RB1CC1: variants seen among roughly 807,000 people sequenced by gnomAD.
RB1CC1 encodes the protein RB1 inducible coiled-coil 1, also known as RB1-inducible coiled-coil protein 1.
RB1CC1 carries 46 observed loss-of-function variants against 177.5 expected under a neutral mutation model. The ratio of observed to expected loss-of-function variants is 0.26; its 90% CI spans 0.20 to 0.33. The LOEUF is 0.33. Among genes scored for constraint, RB1CC1 ranks in the 10% least tolerant of loss-of-function variants. The pLI is 1.00. For synonymous variants in RB1CC1, 666 were observed against 613.6 expected (o/e 1.09, Z -1.26); for missense variants, 1,703 against 1,816.3 (o/e 0.94, Z 1.13).
chr8:52,692,350 A>T (rs931755169), intron 1 of RB1CC1, among the ~76,000 whole-genome samples: 8 of 152,198 alleles, frequency 5.3e-5, no homozygotes, highest in African/African-American at 1.7e-4. Flanking sequence ...TCTTTTTTTT[A>T]AAGTAAAAAC....
In RB1CC1 at chr8:52,625,772, C is replaced by T. The variant is rs549427690; in HGVS notation, c.4637-985G>A. 3.8e-4 allele frequency among the ~76,000 whole-genome samples: 58 copies of T among 152,072 alleles called. 1 individual carries two copies. The highest frequency in any genetic ancestry group is 3.3e-3 in the South Asian group (16 of 4,816). On this transcript the variant is annotated intron_variant, in intron 22 of 23. Coordinates refer to ENST00000025008, the MANE Select transcript of RB1CC1 (RefSeq NM_014781.5). ...AAAAACAGAATGGTTGTGTGGATAC[C>T]GAAAGTAGGGTTTCTATGAATGTGT...
intron 16 of RB1CC1, chr8:52,643,114 CACTT>C (rs1430220808): frequency 2.1e-5 from 4 of 193,964 alleles, no homozygotes; most frequent in African/African-American, 7.0e-5. Flanking sequence ...TGCTGTTAGA[CACTT>C]ACTTTTTTCC....
chr8:52,687,330 A>T (rs959753813), intron 1 of RB1CC1, among the ~76,000 whole-genome samples: 2 of 152,148 alleles, frequency 1.3e-5, no homozygotes, highest in Non-Finnish European at 2.9e-5. Context: ...TTTTGTAAAT[A>T]GGAATAAAAA....
At chr8:52,689,976 A>G (rs891223992) in intron 1 of RB1CC1, among the ~76,000 whole-genome samples, 7 of 152,202 alleles carry the variant, frequency 4.6e-5, no homozygotes, top group African/African-American at 1.2e-4. Flanking sequence ...GAAAGTAGGC[A>G]TAATTATCAT....
At chr8:52,712,008 T>C (rs890096567) in intron 1 of RB1CC1, among the ~76,000 whole-genome samples, 1 of 152,198 alleles carries the variant, frequency 6.6e-6, no homozygotes, top group African/African-American at 2.4e-5. Flanking sequence ...AAGACCAGCC[T>C]GGCCAACATG....
At chr8:52,696,017 T>C (rs930084787) in intron 1 of RB1CC1, among the ~76,000 whole-genome samples, 2 of 152,036 alleles carry the variant, frequency 1.3e-5, no homozygotes, top group South Asian at 2.1e-4. Context: ...AACTGTAGAG[T>C]TGGCTAACCT....
At chr8:52,623,944 CA>C (rs34610638) in intron 23 of RB1CC1, 85 bp from the exon 24 acceptor site, 166,024 of 829,620 alleles carry the variant, frequency 0.2, 22,386 homozygotes, top group East Asian at 0.64. Context: ...ACCCAAAAAA[CA>C]AAAAGAAACA....
intron 1 of RB1CC1, among the ~76,000 whole-genome samples, chr8:52,712,333 T>C (rs1041381364): frequency 6.6e-6 from 1 of 152,128 alleles, no homozygotes; most frequent in Non-Finnish European, 1.5e-5. Context: ...TGATATAAAA[T>C]TTTAAGTTAA....
At chr8:52,693,071 A>G (rs964033832) in intron 1 of RB1CC1, among the ~76,000 whole-genome samples, 1 of 152,210 alleles carries the variant, frequency 6.6e-6, no homozygotes, top group African/African-American at 2.4e-5. Context: ...GGCTAGCCAT[A>G]TGCAGAAAAC....
chr8:52,665,825 T>C (rs1030240413), intron 8 of RB1CC1, among the ~76,000 whole-genome samples: 27 of 152,196 alleles, frequency 1.8e-4, no homozygotes, highest in African/African-American at 4.1e-4. Flanking sequence ...CTGCTGATTC[T>C]TGAAGAGGAG....
intron 20 of RB1CC1, 53 bp from the exon 21 acceptor site, chr8:52,630,581 T>C (rs891550192): frequency 7.6e-5 from 115 of 1,507,590 alleles, no homozygotes; most frequent in Non-Finnish European, 1.0e-4. Flanking sequence ...ACCACATGCA[T>C]TCTTACTGCA....
chr8:52,708,679 TG>T (rs1166538012), intron 1 of RB1CC1, among the ~76,000 whole-genome samples: 1 of 152,124 alleles, frequency 6.6e-6, no homozygotes, highest in Admixed American at 6.5e-5. Flanking sequence ...TTCTCTTATC[TG>T]GGGGGAAAAA....
At chr8:52,660,271 C>T (rs1851496847) in intron 12 of RB1CC1, among the ~76,000 whole-genome samples, 1 of 151,052 alleles carries the variant, frequency 6.6e-6, no homozygotes, top group African/African-American at 2.4e-5. Flanking sequence ...GGGAGAAGAG[C>T]AGTGGAAGAA....
intron 21 of RB1CC1, among the ~76,000 whole-genome samples, chr8:52,629,583 T>C (rs996260198): frequency 6.6e-6 from 1 of 152,132 alleles, no homozygotes; most frequent in Admixed American, 6.6e-5. Context: ...CATGTCCTCT[T>C]CCCTCTTAGA....
At chr8:52,677,233 T>G (rs751098303) in intron 5 of RB1CC1, among the ~76,000 whole-genome samples, 1 of 151,976 alleles carries the variant, frequency 6.6e-6, no homozygotes, top group East Asian at 1.9e-4. Flanking sequence ...GAGACAGATA[T>G]AAAAGTCACA....
intron 15 of RB1CC1, among the ~76,000 whole-genome samples, chr8:52,653,723 G>A (rs1850836451): frequency 6.6e-6 from 1 of 152,142 alleles, no homozygotes; most frequent in South Asian, 2.1e-4. Flanking sequence ...CTGAATTTCA[G>A]ATTCTGGAAT....
At chr8:52,642,289 A>C in intron 18 of RB1CC1, 62 bp downstream of exon 18, 1 of 1,553,978 alleles carries the variant, frequency 6.4e-7, no homozygotes, top group Non-Finnish European at 8.7e-7. Context: ...TCCTCTCTTC[A>C]GAGCTTTATA....
At chr8:52,673,173 CTT>C (rs548944809) in intron 7 of RB1CC1, among the ~76,000 whole-genome samples, 207 of 152,284 alleles carry the variant, frequency 1.4e-3, no homozygotes, top group Non-Finnish European at 2.1e-3. Context: ...TAACAATTAT[CTT>C]TTGACAACAG....
At chr8:52,661,433 A>G (rs1851618318) in intron 9 of RB1CC1, 102 bp downstream of exon 9, 1 of 1,449,696 alleles carries the variant, frequency 6.9e-7, no homozygotes, top group Non-Finnish European at 9.3e-7. Flanking sequence ...TCAATAAGGT[A>G]TTTCAATAAA....
Sources: allele counts gnomAD v4.1 joint callset (sites outside exome capture counted in the v4.1 genomes callset), GRCh38; gene constraint gnomAD v4.1.1; transcripts MANE v1.5; gene names NCBI Gene and HGNC (gene_info 2026-07-23, HGNC 2026-07-21).